The following TDRP variants were observed in gnomAD, a reference collection of about 807,000 sequenced individuals.
TDRP encodes testis development-related protein.
A neutral mutation model predicts 10.5 loss-of-function variants in TDRP; 12 were observed. That is an observed-to-expected ratio of 1.15 (90% CI 0.73 to 1.86). TDRP has a LOEUF of 1.86. Among genes scored for constraint, TDRP ranks in the 40% most tolerant of loss-of-function variants. The probability of loss-of-function intolerance (pLI) is 0.00; values close to 1 mark genes in which losing one functional copy is unlikely to be tolerated. For missense variants in TDRP, 353 were observed against 229.2 expected (o/e 1.54, Z -3.49); for synonymous variants, 139 against 95.4 (o/e 1.46, Z -2.67).
At chr8:528,141 A>C (rs1308146950) in intron 1 of TDRP, among the ~76,000 whole-genome samples, 1 of 152,214 alleles carries the variant, frequency 6.6e-6, no homozygotes, top group Admixed American at 6.5e-5. Context: ...ATAATTGGTA[A>C]ATGGGTATAT....
At chr8:500,336 G>A (rs901605407) in intron 1 of TDRP, among the ~76,000 whole-genome samples, 1 of 152,220 alleles carries the variant, frequency 6.6e-6, no homozygotes, top group Admixed American at 6.5e-5. Flanking sequence ...AGAGAGGCCA[G>A]GACCTCTGGC....
At chr8:492,788 G>A (rs549680879) in intron 2 of TDRP, 44 bp from the exon 3 acceptor site, 4 of 1,423,068 alleles carry the variant, frequency 2.8e-6, no homozygotes, top group South Asian at 2.9e-5. Context: ...CCAGGTCTTA[G>A]GGCCTCAAGC....
At chr8:503,989 C>T (rs1801383439) in intron 1 of TDRP, among the ~76,000 whole-genome samples, 2 of 149,838 alleles carry the variant, frequency 1.3e-5, no homozygotes, top group Admixed American at 6.6e-5. Context: ...GAATCAAGAG[C>T]CACACACTGG....
Position 494,480 on chromosome 8 carries a change from C to T in TDRP, c.212+14G>A, listed in dbSNP as rs200528197. The T allele has an allele frequency of 6.2e-7, 1 of 1,610,016 alleles. No individual in the cohort carries two copies. The highest frequency in any genetic ancestry group is 1.3e-5 in the African/African-American group (1 of 74,928). ...CTCCTGAAATGATCATTTTCTTACA[C>T]AGTTATGACTTACCCTTTGGACTTG... is the stretch of plus-strand genomic sequence containing the variant. On this transcript the variant is annotated intron_variant, in intron 2 of 2. Coordinates refer to ENST00000324079, the MANE Select transcript of TDRP (RefSeq NM_001384899.1).
intron 1 of TDRP, among the ~76,000 whole-genome samples, chr8:531,970 T>C (rs1455283584): frequency 2.0e-5 from 3 of 152,184 alleles, no homozygotes; most frequent in Non-Finnish European, 4.4e-5. Flanking sequence ...TAAAATCTCC[T>C]GACTGTGATA....
chr8:509,057 G>A (rs938548111), intron 1 of TDRP, among the ~76,000 whole-genome samples: 1 of 152,230 alleles, frequency 6.6e-6, no homozygotes, highest in African/African-American at 2.4e-5. Flanking sequence ...CACACAACCA[G>A]CTCGTGCTGA....
Position 544,794 on chromosome 8 carries a change from C to T in TDRP, c.-37G>A, listed in dbSNP as rs1374487339. 7.4e-6 allele frequency: 9 copies of T among 1,217,270 alleles called. No individual in the cohort carries two copies. In the South Asian group the frequency reaches 2.1e-4, roughly 28 times the overall value. The allele number at this position is 1,217,270 out of a possible 1,614,324, so 75.4% of individuals were successfully genotyped here. A position where few individuals can be genotyped will look rare whatever the true frequency, so the allele number is the denominator to read the frequency against. ...CTCCGGCGTCCCTCCGTCCGTGCGT[C>T]GGGCTGTGGCTCCGCGTCCCTCCCG... On this transcript the variant is annotated 5_prime_UTR_variant, in exon 1 of 3. Transcript: ENST00000324079.
chr8:535,190 G>C (rs1382904285), intron 1 of TDRP, among the ~76,000 whole-genome samples: 1 of 151,996 alleles, frequency 6.6e-6, no homozygotes, highest in Non-Finnish European at 1.5e-5. Flanking sequence ...AGCCCCCAAG[G>C]CCTCTCCTTA....
At chr8:517,077 C>T (rs1461074187) in intron 1 of TDRP, among the ~76,000 whole-genome samples, 1 of 152,144 alleles carries the variant, frequency 6.6e-6, no homozygotes, top group African/African-American at 2.4e-5. Flanking sequence ...AGGAGGAAGT[C>T]AGACATGCCT....
chr8:499,871 G>A (rs529256681), intron 1 of TDRP, among the ~76,000 whole-genome samples: 6 of 152,336 alleles, frequency 3.9e-5, no homozygotes, highest in Admixed American at 2.6e-4. Flanking sequence ...GTCCTGAGGT[G>A]GACAAAATCT....
At chr8:519,599 G>A (rs1393531396) in intron 1 of TDRP, among the ~76,000 whole-genome samples, 1 of 151,872 alleles carries the variant, frequency 6.6e-6, no homozygotes, top group Non-Finnish European at 1.5e-5. Context: ...AGCCCCTCGT[G>A]ACCACCATTC....
chr8:499,174 A>C (rs1801218418), intron 1 of TDRP, among the ~76,000 whole-genome samples: 1 of 152,204 alleles, frequency 6.6e-6, no homozygotes, highest in Admixed American at 6.5e-5. Flanking sequence ...TGAAATTATT[A>C]GGAATAAGAT....
At chr8:542,133 A>G (rs1264235030) in intron 1 of TDRP, among the ~76,000 whole-genome samples, 1 of 152,234 alleles carries the variant, frequency 6.6e-6, no homozygotes, top group South Asian at 2.1e-4. Context: ...CCTTAAATGC[A>G]TCTTTCTAAG....
At chr8:526,446 C>T (rs1025386965) in intron 1 of TDRP, among the ~76,000 whole-genome samples, 2 of 152,100 alleles carry the variant, frequency 1.3e-5, no homozygotes, top group Non-Finnish European at 2.9e-5. Flanking sequence ...TTATCAAGTG[C>T]TTTTTCAGCA....
At chr8:522,441 G>C (rs1386426033) in intron 1 of TDRP, among the ~76,000 whole-genome samples, 5 of 152,122 alleles carry the variant, frequency 3.3e-5, no homozygotes, top group Admixed American at 6.5e-5. Context: ...CTCTCCCTTT[G>C]CCATGCATTG....
At chr8:506,391 T>C (rs1801465991) in intron 1 of TDRP, among the ~76,000 whole-genome samples, 1 of 152,112 alleles carries the variant, frequency 6.6e-6, no homozygotes, top group Non-Finnish European at 1.5e-5. Context: ...CAGCTCCAAG[T>C]GGAACGACTT....
intron 1 of TDRP, among the ~76,000 whole-genome samples, chr8:498,675 A>T (rs1328430458): frequency 6.6e-6 from 1 of 152,034 alleles, no homozygotes; most frequent in Non-Finnish European, 1.5e-5. Context: ...TGTAAGAAGA[A>T]CATTACATTT....
At chr8:493,918 A>G (rs1266215164) in intron 2 of TDRP, among the ~76,000 whole-genome samples, 1 of 151,854 alleles carries the variant, frequency 6.6e-6, no homozygotes, top group Non-Finnish European at 1.5e-5. Context: ...CAAAATGCCA[A>G]CAGAGACCCT....
intron 1 of TDRP, among the ~76,000 whole-genome samples, chr8:501,077 C>T (rs532758746): frequency 1.6e-4 from 25 of 151,862 alleles, no homozygotes; most frequent in Admixed American, 8.5e-4. Flanking sequence ...TGATGGCGGG[C>T]GCCTGTAGTC....
Sources: gnomAD v4.1 joint callset for allele counts (sites outside exome capture counted in the v4.1 genomes callset) on GRCh38, gnomAD v4.1.1 for gene constraint, MANE v1.5 for transcripts, NCBI Gene and HGNC (gene_info 2026-07-23, HGNC 2026-07-21) for gene names.